The following PHACTR1 variants were observed in gnomAD, a reference collection of about 807,000 sequenced individuals.
The protein encoded by PHACTR1 is RPEL repeat containing 1.
A neutral mutation model predicts 69.2 loss-of-function variants in PHACTR1; 16 were observed. The ratio of observed to expected loss-of-function variants is 0.23; its 90% CI spans 0.16 to 0.35. PHACTR1 has a LOEUF of 0.35. Ranked by LOEUF, PHACTR1 falls within the 10% of genes least tolerant of loss-of-function variation. The pLI, the probability that PHACTR1 is intolerant of heterozygous loss-of-function variation, is 1.00. For missense variants in PHACTR1, 510 were observed against 734.7 expected, an observed-to-expected ratio of 0.69 and a Z score of 3.54; for synonymous variants, 312 against 284.5, an observed-to-expected ratio of 1.10 and a Z score of -0.97.
At chr6:12,812,531 C>T (rs1775135289) in intron 4 of PHACTR1, among the ~76,000 whole-genome samples, 2 of 152,164 alleles carry the variant, frequency 1.3e-5, no homozygotes, top group Admixed American at 6.6e-5. Flanking sequence ...AAATAAACCA[C>T]CCAACAAGGC....
chr6:12,924,777 A>G (rs1788099687), intron 4 of PHACTR1, among the ~76,000 whole-genome samples: 2 of 64,490 alleles, frequency 3.1e-5, no homozygotes, highest in South Asian at 9.4e-4. Context: ...TCTGTCCCGG[A>G]AAAAAAAAAA....
intron 5 of PHACTR1, among the ~76,000 whole-genome samples, chr6:13,109,674 A>G (rs1384459233): frequency 6.6e-6 from 1 of 152,106 alleles, no homozygotes. Flanking sequence ...ATTTATACTT[A>G]CATAGTTTTT....
chr6:13,006,309 C>G (rs1798782082), intron 4 of PHACTR1, among the ~76,000 whole-genome samples: 2 of 152,204 alleles, frequency 1.3e-5, no homozygotes, highest in Non-Finnish European at 1.5e-5. Context: ...GCCATATGCT[C>G]TATCCTAAAA....
chr6:13,272,922 G>A lies in PHACTR1; in HGVS notation c.1447+7G>A, dbSNP rs2127451005. 1 of 1,614,012 alleles carries A rather than the reference G, an allele frequency of 6.2e-7. No individual in the cohort carries two copies. Among genetic ancestry groups the A allele is most frequent in the Non-Finnish European group, 8.5e-7 (1 of 1,179,890 alleles). On this transcript the variant is annotated splice_region_variant and intron_variant, in intron 11 of 14. Transcript: ENST00000332995. Reference sequence around the variant, plus strand: ...CAGAGGAACATTTTGAAACGTAAGTGACTAAGCCCATGGCAATCCCTGATG... The same window carrying A: ...CAGAGGAACATTTTGAAACGTAAGTAACTAAGCCCATGGCAATCCCTGATG...
chr6:12,835,346 G>A (rs1778041373), intron 4 of PHACTR1, among the ~76,000 whole-genome samples: 1 of 152,108 alleles, frequency 6.6e-6, no homozygotes, highest in Non-Finnish European at 1.5e-5. Context: ...GTAGTTCAGA[G>A]GAGGGTTGGA....
chr6:12,752,406 C>G (rs1283792220), intron 4 of PHACTR1, among the ~76,000 whole-genome samples: 1 of 152,196 alleles, frequency 6.6e-6, no homozygotes, highest in Non-Finnish European at 1.5e-5. Flanking sequence ...TTTATGAACA[C>G]TTAAGCAAGT....
intron 10 of PHACTR1, among the ~76,000 whole-genome samples, chr6:13,232,040 A>G (rs1424379523): frequency 6.6e-6 from 1 of 152,208 alleles, no homozygotes; most frequent in African/African-American, 2.4e-5. Flanking sequence ...TCTCCCTCTT[A>G]CTAGGTGTAT....
intron 4 of PHACTR1, among the ~76,000 whole-genome samples, chr6:12,858,603 G>A (rs1014631753): frequency 6.6e-5 from 10 of 151,860 alleles, no homozygotes; most frequent in African/African-American, 1.2e-4. Context: ...TGCAAGCCTG[G>A]GTAACATAGT....
chr6:13,189,780 C>T lies in PHACTR1; in HGVS notation c.664+7094C>T, dbSNP rs577659861. Among the ~76,000 whole-genome samples the T allele has an allele frequency of 3.9e-5, 6 of 152,224 alleles. No individual in the cohort carries two copies. In the South Asian group the frequency reaches 8.3e-4, roughly 21 times the overall value. On this transcript the variant is annotated intron_variant, in intron 7 of 14. Transcript: ENST00000332995. ...TCATCTGCTTAAGAAGTTTGAAAATCGGCCCCTTTGTTTTTAAAAGTTGTG... is the reference window on the plus strand; with the variant it reads ...TCATCTGCTTAAGAAGTTTGAAAATTGGCCCCTTTGTTTTTAAAAGTTGTG...
At chr6:13,072,460 A>G (rs942142372) in intron 5 of PHACTR1, among the ~76,000 whole-genome samples, 1 of 137,022 alleles carries the variant, frequency 7.3e-6, no homozygotes, top group Non-Finnish European at 1.6e-5. Flanking sequence ...AGTCTTATAC[A>G]TTATGATCAT....
chr6:13,096,996 GAT>G (rs1291600684), intron 5 of PHACTR1, among the ~76,000 whole-genome samples: 6 of 152,112 alleles, frequency 3.9e-5, no homozygotes, highest in African/African-American at 1.2e-4. Flanking sequence ...TAATTAATCT[GAT>G]ATTAAAAAAG....
chr6:13,038,354 C>T (rs1027671453), intron 4 of PHACTR1, among the ~76,000 whole-genome samples: 1 of 151,872 alleles, frequency 6.6e-6, no homozygotes, highest in Non-Finnish European at 1.5e-5. Context: ...ATGAAATGGT[C>T]TAGGGAGAAC....
intron 4 of PHACTR1, among the ~76,000 whole-genome samples, chr6:12,774,625 C>G (rs1004658745): frequency 1.3e-4 from 20 of 152,162 alleles, no homozygotes; most frequent in Admixed American, 4.6e-4. Flanking sequence ...AACTCCTGAC[C>G]TCCTGACCTC....
At chr6:13,203,048 CTG>C (rs1226751430) in intron 7 of PHACTR1, among the ~76,000 whole-genome samples, 1 of 152,232 alleles carries the variant, frequency 6.6e-6, no homozygotes, top group Non-Finnish European at 1.5e-5. Flanking sequence ...TTAGAATTTT[CTG>C]TGTCTCAGCG....
chr6:12,981,374 G>T (rs1795508692), intron 4 of PHACTR1, among the ~76,000 whole-genome samples: 1 of 152,174 alleles, frequency 6.6e-6, no homozygotes, highest in Non-Finnish European at 1.5e-5. Flanking sequence ...ATATGATTTT[G>T]TGCCTTGGCA....
At chr6:13,181,034 C>T (rs1483857242) in intron 6 of PHACTR1, among the ~76,000 whole-genome samples, 1 of 152,070 alleles carries the variant, frequency 6.6e-6, no homozygotes, top group Non-Finnish European at 1.5e-5. Flanking sequence ...TGGTGCTTTA[C>T]ACTGTCCGCT....
At chr6:13,153,269 A>G (rs1029253661) in intron 5 of PHACTR1, among the ~76,000 whole-genome samples, 5 of 152,178 alleles carry the variant, frequency 3.3e-5, no homozygotes, top group Non-Finnish European at 5.9e-5. Flanking sequence ...TTTCATGCCT[A>G]GTTTTTATAT....
intron 4 of PHACTR1, among the ~76,000 whole-genome samples, chr6:12,939,549 C>T (rs891284449): frequency 3.9e-5 from 6 of 152,162 alleles, no homozygotes; most frequent in East Asian, 1.9e-4. Context: ...CTAAGGCTGA[C>T]GCATAGCTCA....
chr6:13,013,257 G>C (rs1333364854), intron 4 of PHACTR1, among the ~76,000 whole-genome samples: 2 of 152,186 alleles, frequency 1.3e-5, no homozygotes, highest in African/African-American at 4.8e-5. Context: ...TGACCCTGGC[G>C]TTAAACAATC....
Sources: gnomAD v4.1 joint callset for allele counts (sites outside exome capture counted in the v4.1 genomes callset) on GRCh38, gnomAD v4.1.1 for gene constraint, MANE v1.5 for transcripts, NCBI Gene and HGNC (gene_info 2026-07-23, HGNC 2026-07-21) for gene names.